Variants in MPP7 observed in about 807,000 individuals in gnomAD.
MPP7 encodes MAGUK p55 scaffold protein 7.
In MPP7, 60 loss-of-function variants were observed where a neutral mutation model predicts 76.5. The observed-to-expected ratio is 0.78, with a 90% CI of 0.64 to 0.97. MPP7 has a LOEUF of 0.97. Among genes scored for constraint, MPP7 ranks in the 50% least tolerant of loss-of-function variants. MPP7 has a pLI of 0.00. For synonymous variants in MPP7, 237 were observed against 244.5 expected (o/e 0.97, Z 0.29); for missense variants, 641 against 694.0 (o/e 0.92, Z 0.86).
At chr10:28,054,566 T>C (rs577782469) in intron 16 of MPP7, among the ~76,000 whole-genome samples, 1 of 152,330 alleles carries the variant, frequency 6.6e-6, no homozygotes, top group African/African-American at 2.4e-5. Flanking sequence ...AGAAAAGAAT[T>C]GTTTACTCTG....
intron 3 of MPP7, among the ~76,000 whole-genome samples, chr10:28,186,023 T>C (rs907594254): frequency 6.6e-6 from 1 of 152,154 alleles, no homozygotes; most frequent in African/African-American, 2.4e-5. Flanking sequence ...AAAGCTCTGA[T>C]AGTCACTTTC....
chr10:28,173,960 C>G (rs1393230651), intron 3 of MPP7, among the ~76,000 whole-genome samples: 1 of 152,190 alleles, frequency 6.6e-6, no homozygotes, highest in African/African-American at 2.4e-5. Context: ...GTGGTACTGA[C>G]ATAGCGACAG....
chr10:28,227,470 C>G (rs1169582742), intron 2 of MPP7, among the ~76,000 whole-genome samples: 1 of 152,046 alleles, frequency 6.6e-6, no homozygotes, highest in Non-Finnish European at 1.5e-5. Context: ...CTTCCCCCAC[C>G]CCCAACCCCC....
upstream of MPP7, among the ~76,000 whole-genome samples, chr10:28,306,855 C>G (rs1841261259): frequency 6.6e-6 from 1 of 152,150 alleles, no homozygotes. Flanking sequence ...AGGAGGAACT[C>G]AATGGAATTT....
intron 2 of MPP7, among the ~76,000 whole-genome samples, chr10:28,324,230 G>A (rs983666494): frequency 6.6e-6 from 1 of 152,128 alleles, no homozygotes; most frequent in African/African-American, 2.4e-5. Context: ...CCTCTGCCAC[G>A]TGAGGGCACA....
chr10:28,095,118 T>C (rs1428727451), intron 11 of MPP7, among the ~76,000 whole-genome samples: 2 of 150,852 alleles, frequency 1.3e-5, no homozygotes, highest in Non-Finnish European at 2.9e-5. Context: ...ACTTTTTACT[T>C]ACTCCCCTGA....
At chr10:28,244,719 C>A (rs769072130) in intron 1 of MPP7, among the ~76,000 whole-genome samples, 1 of 152,106 alleles carries the variant, frequency 6.6e-6, no homozygotes, top group South Asian at 2.1e-4. Context: ...AATCCCCAGG[C>A]GAAGAGACCC....
At chr10:28,095,619 G>A (rs575413614) in intron 11 of MPP7, among the ~76,000 whole-genome samples, 8 of 152,214 alleles carry the variant, frequency 5.3e-5, no homozygotes, top group Admixed American at 1.3e-4. Flanking sequence ...CTTACTTCTC[G>A]TATTAAAAGG....
At chr10:28,244,080 G>A (rs957377108) in intron 1 of MPP7, among the ~76,000 whole-genome samples, 3 of 152,100 alleles carry the variant, frequency 2.0e-5, no homozygotes, top group Non-Finnish European at 2.9e-5. Flanking sequence ...TTTGTGGTCC[G>A]TATGGTCTCA....
chr10:28,199,215 C>T (rs928058473), intron 3 of MPP7, among the ~76,000 whole-genome samples: 2 of 152,094 alleles, frequency 1.3e-5, no homozygotes, highest in African/African-American at 2.4e-5. Flanking sequence ...GTCCTTCCCA[C>T]AACACATATG....
In MPP7 at chr10:28,084,848, G is replaced by A. The variant is rs907389702; in HGVS notation, c.1123+4823C>T. On this transcript the variant is annotated intron_variant, in intron 12 of 16. Transcript: ENST00000683449. The stretch of plus-strand genomic sequence containing the variant: ...AGGAGCAGGGCAGTGAAATAGTAAT[G>A]ACAGGTGCAGTAAGAAACCCTGCCT... 2.0e-5 allele frequency among the ~76,000 whole-genome samples: 3 copies of A among 152,274 alleles called. 1 individual carries two copies. The East Asian group carries it at 5.8e-4, about 29-fold the overall frequency.
intron 3 of MPP7, among the ~76,000 whole-genome samples, chr10:28,198,671 C>T (rs1378610460): frequency 6.7e-6 from 1 of 149,524 alleles, no homozygotes; most frequent in Non-Finnish European, 1.5e-5. Context: ...AACCAGATTA[C>T]AAAAACACAC....
At chr10:28,093,482 T>C (rs1177266624) in intron 11 of MPP7, among the ~76,000 whole-genome samples, 2 of 151,130 alleles carry the variant, frequency 1.3e-5, no homozygotes, top group African/African-American at 4.9e-5. Context: ...GTCTCACTTC[T>C]GTGGCTCAGG....
chr10:28,119,550 C>A, intron 11 of MPP7, 101 bp downstream of exon 11: 2 of 828,892 alleles, frequency 2.4e-6, no homozygotes, highest in South Asian at 3.3e-5. Flanking sequence ...AAAGTTATTG[C>A]TAGGGTAATA....
intron 2 of MPP7, among the ~76,000 whole-genome samples, chr10:28,316,547 C>CA (rs550687257): frequency 1.6e-3 from 216 of 137,514 alleles, no homozygotes; most frequent in Middle Eastern, 5.2e-3. Context: ...TTAATTATAA[C>CA]AAATGCACCA....
rs560268655 is a variant in MPP7 at position 28,285,563 on chromosome 10, T to G, written c.-132+17298A>C. Among the ~76,000 whole-genome samples the G allele has an allele frequency of 6.6e-5, 10 of 152,230 alleles. No individual in the cohort carries two copies. In the East Asian group the frequency reaches 1.7e-3, roughly 26 times the overall value. On this transcript the variant is annotated intron_variant, in intron 1 of 16. Coordinates refer to ENST00000683449, the MANE Select transcript of MPP7 (RefSeq NM_001318170.2). ...CTCTTCATAAAAATATTCTAATAAC[T>G]AAAACAGGAAAACAATAAAAATATC...
chr10:28,077,360 TC>T (rs1417546242), intron 12 of MPP7, among the ~76,000 whole-genome samples: 1 of 152,156 alleles, frequency 6.6e-6, no homozygotes, highest in Non-Finnish European at 1.5e-5. Context: ...AGAAGTATCC[TC>T]CCAAGAAAGG....
At chr10:28,148,338 T>C (rs1296271677) in intron 4 of MPP7, among the ~76,000 whole-genome samples, 3 of 152,194 alleles carry the variant, frequency 2.0e-5, no homozygotes. Flanking sequence ...ATAGGAAAGA[T>C]CTCATAATTT....
chr10:28,145,320 AG>A (rs1302686369), intron 5 of MPP7, among the ~76,000 whole-genome samples: 2 of 152,210 alleles, frequency 1.3e-5, no homozygotes, highest in East Asian at 3.9e-4. Context: ...TTAAAAAGTA[AG>A]TAACTTCCCT....
Sources: allele counts gnomAD v4.1 joint callset (sites outside exome capture counted in the v4.1 genomes callset), GRCh38; gene constraint gnomAD v4.1.1; transcripts MANE v1.5; gene names NCBI Gene and HGNC (gene_info 2026-07-23, HGNC 2026-07-21).